PEX14: variants seen among roughly 807,000 people sequenced by gnomAD.
The protein encoded by PEX14 is peroxisomal biogenesis factor 14.
PEX14 carries 15 observed loss-of-function variants against 49.5 expected under a neutral mutation model. The observed-to-expected ratio is 0.30, with a 90% CI of 0.20 to 0.47. The LOEUF is 0.47. Ranked by LOEUF, PEX14 falls within the 20% of genes least tolerant of loss-of-function variation. PEX14 has a pLI of 1.00. For missense variants in PEX14, 398 were observed against 494.8 expected, an observed-to-expected ratio of 0.80 and a Z score of 1.86; for synonymous variants, 210 against 212.7, an observed-to-expected ratio of 0.99 and a Z score of 0.11.
chr1:10,618,281 A>T, intron 4 of PEX14, 51 bp from the exon 5 acceptor site: 1 of 1,478,674 alleles, frequency 6.8e-7, no homozygotes, highest in East Asian at 2.3e-5. Context: ...CCCCCACCCG[A>T]AGAAGGACGC....
intron 4 of PEX14, among the ~76,000 whole-genome samples, chr1:10,602,722 A>AT (rs1014991286): frequency 3.9e-5 from 6 of 152,068 alleles, no homozygotes; most frequent in Non-Finnish European, 8.8e-5. Context: ...GGGTTTATAT[A>AT]TTTTTTTACT....
At chr1:10,523,220 T>G (rs1638358438) in intron 2 of PEX14, among the ~76,000 whole-genome samples, 1 of 152,226 alleles carries the variant, frequency 6.6e-6, no homozygotes, top group Admixed American at 6.5e-5. Context: ...CTTCTATGAT[T>G]TGGATACCAG....
In PEX14 at chr1:10,630,190, C is replaced by A; in HGVS notation, c.*203C>A. ...GCCTCCTCTCGCCTGGCCGCCAGCC[C>A]CAGCCCCAGCCCCAGCCCCAGGCCC... On this transcript the variant is annotated 3_prime_UTR_variant, in exon 9 of 9. Coordinates refer to ENST00000356607, the MANE Select transcript of PEX14 (RefSeq NM_004565.3). The surrounding 1 kb of genome is among the most constrained non-coding windows in gnomAD (Gnocchi z 4.1). 1 of 703,938 alleles carries A rather than the reference C, an allele frequency of 1.4e-6. No individual in the cohort carries two copies. Among genetic ancestry groups the A allele is most frequent in the Non-Finnish European group, 2.3e-6 (1 of 433,638 alleles). The allele number at this position is 703,938 out of a possible 1,614,324, so 43.6% of individuals were successfully genotyped here.
At chr1:10,525,496 GA>G (rs1638446526) in intron 2 of PEX14, among the ~76,000 whole-genome samples, 1 of 152,222 alleles carries the variant, frequency 6.6e-6, no homozygotes, top group African/African-American at 2.4e-5. Context: ...TCCCTGTGGA[GA>G]GCCCATTTCT....
At chr1:10,536,384 A>G (rs1638804051) in intron 3 of PEX14, 87 bp downstream of exon 3, 2 of 860,440 alleles carry the variant, frequency 2.3e-6, no homozygotes, top group Admixed American at 1.9e-5. Context: ...GCAGGTGCTG[A>G]GCTGCCAGGA....
chr1:10,557,508 C>T (rs895178584), intron 3 of PEX14, among the ~76,000 whole-genome samples: 1 of 152,192 alleles, frequency 6.6e-6, no homozygotes, highest in Non-Finnish European at 1.5e-5. Flanking sequence ...ATTGCTTGAA[C>T]CCTGGAGGTG....
At chr1:10,491,554 A>G (rs1641473845) in intron 1 of PEX14, among the ~76,000 whole-genome samples, 1 of 150,852 alleles carries the variant, frequency 6.6e-6, no homozygotes. Context: ...TTTTGTAGAG[A>G]TGGGGTCTCG....
In PEX14 at chr1:10,623,119, C is replaced by A. The variant is rs2124639470; in HGVS notation, c.485C>A (p.Thr162Lys). Residue 162 changes from threonine (T) to lysine (K), a missense_variant and splice_region_variant, in exon 6 of 9, where the codon ACA (threonine) becomes AAA (lysine). Thr to Lys is a moderately conservative substitution (Grantham distance 78). Transcript: ENST00000356607. This position sits in a 1 kb window ranked among gnomAD's most constrained non-coding sequence, Gnocchi z 4.4. ...LSELSGSVAQ[T>K]VTQLQTTLAS... ...GAGCTGAGTGGCAGCGTGGCCCAGA[C>A]AGGTAAAGATTAATGACTCCATCAA... 1 of 1,608,844 alleles carries A rather than the reference C, an allele frequency of 6.2e-7. No individual in the cohort carries two copies. Among genetic ancestry groups the A allele is most frequent in the Non-Finnish European group, 8.5e-7 (1 of 1,175,774 alleles).
chr1:10,627,605 G>T (rs561113817), intron 8 of PEX14, among the ~76,000 whole-genome samples: 1 of 152,272 alleles, frequency 6.6e-6, no homozygotes, highest in Non-Finnish European at 1.5e-5. Flanking sequence ...CCAGGCCTGT[G>T]AAGACCTGGT....
At chr1:10,496,694 C>T (rs1025575178) in intron 2 of PEX14, among the ~76,000 whole-genome samples, 1 of 151,910 alleles carries the variant, frequency 6.6e-6, no homozygotes, top group African/African-American at 2.4e-5. Context: ...TGGAGCCCTG[C>T]AGACCCCTTG....
chr1:10,489,238 C>T (rs1400966498), intron 1 of PEX14, among the ~76,000 whole-genome samples: 1 of 152,172 alleles, frequency 6.6e-6, no homozygotes, highest in African/African-American at 2.4e-5. Flanking sequence ...GCCTCAGCCT[C>T]CCAAAGTGCT....
At chr1:10,484,999 A>G (rs1426657615) in intron 1 of PEX14, among the ~76,000 whole-genome samples, 1 of 151,722 alleles carries the variant, frequency 6.6e-6, no homozygotes, top group Non-Finnish European at 1.5e-5. Context: ...CAAGTAACAG[A>G]TCCTGGCCAC....
chr1:10,518,319 G>C (rs1181608387), intron 2 of PEX14, among the ~76,000 whole-genome samples: 1 of 152,084 alleles, frequency 6.6e-6, no homozygotes, highest in East Asian at 1.9e-4. Context: ...GGTGGGCAGG[G>C]GTGCTCCACA....
At position 10,629,550 on chromosome 1, in the gene PEX14, C is replaced by G; in HGVS notation, c.697C>G (p.Pro233Ala). ...CTCTAGGAGGCAGTTCCCTCCATCC[C>G]CATCAGCCCCGAAGATCCCCTCCTG... is the stretch of plus-strand genomic sequence containing the variant. ...LLNRRQFPPS[P>A]SAPKIPSWQI... is the part of the protein sequence containing the mutation. Residue 233 changes from proline to alanine, a missense_variant, in exon 9 of 9, where the codon CCA becomes GCA. Around this residue, in one of 3 missense-constraint regions of PEX14, gnomAD observed 202 missense variants for 298.5 expected, o/e 0.68. Coordinates refer to ENST00000356607, the MANE Select transcript of PEX14 (RefSeq NM_004565.3). This position sits in a 1 kb window ranked among gnomAD's most constrained non-coding sequence, Gnocchi z 8.5. 6.2e-7 allele frequency: 1 copy of G among 1,613,486 alleles called. No individual in the cohort carries two copies. Among genetic ancestry groups the G allele is most frequent in the Non-Finnish European group, 8.5e-7 (1 of 1,179,636 alleles).
intron 4 of PEX14, among the ~76,000 whole-genome samples, chr1:10,601,009 C>T (rs1173530081): frequency 6.6e-6 from 1 of 152,012 alleles, no homozygotes; most frequent in African/African-American, 2.4e-5. Context: ...CGCCTGTAAT[C>T]CCAGCACTTT....
At chr1:10,577,052 A>G (rs1180334763) in intron 3 of PEX14, among the ~76,000 whole-genome samples, 14 of 152,002 alleles carry the variant, frequency 9.2e-5, no homozygotes, top group Non-Finnish European at 5.9e-5. Context: ...TAATTGCTGT[A>G]TCTTTATTAT....
At chr1:10,580,296 C>G (rs150226308) in intron 3 of PEX14, among the ~76,000 whole-genome samples, 4 of 152,260 alleles carry the variant, frequency 2.6e-5, no homozygotes, top group African/African-American at 7.2e-5. Flanking sequence ...ACCATCTCAA[C>G]TCACTGCAAC....
At chr1:10,483,215 G>T (rs1455870289) in intron 1 of PEX14, among the ~76,000 whole-genome samples, 1 of 152,188 alleles carries the variant, frequency 6.6e-6, no homozygotes, top group Non-Finnish European at 1.5e-5. Context: ...GAGTGCAGTG[G>T]CACAGTCATG....
At chr1:10,543,954 A>G (rs959841778) in intron 3 of PEX14, among the ~76,000 whole-genome samples, 2 of 152,190 alleles carry the variant, frequency 1.3e-5, no homozygotes, top group Admixed American at 6.5e-5. Context: ...TCTGTATTGA[A>G]ACTGACTTGG....
Sources: gnomAD v4.1 joint callset for allele counts (sites outside exome capture counted in the v4.1 genomes callset) on GRCh38, gnomAD v4.1.1 for gene constraint, gnomAD v4.1.1 regional missense constraint, Gnocchi (gnomAD v3.1) non-coding constraint, MANE v1.5 for transcripts, NCBI Gene and HGNC (gene_info 2026-07-23, HGNC 2026-07-21) for gene names.